Variants in PBX1 observed in about 807,000 individuals in gnomAD.
The protein encoded by PBX1 is pre-B-cell leukemia transcription factor 1.
PBX1 carries 6 observed loss-of-function variants against 53.4 expected under a neutral mutation model. The observed-to-expected ratio is 0.11, with a 90% confidence interval of 0.06 to 0.22. The LOEUF (loss-of-function observed/expected upper bound fraction) is 0.22. Among genes scored for constraint, PBX1 ranks in the 10% least tolerant of loss-of-function variants. The pLI is 1.00. For synonymous variants in PBX1, 204 were observed against 212.3 expected (o/e 0.96, Z 0.34); for missense variants, 251 against 551.4 (o/e 0.46, Z 5.46).
At position 164,613,558 on chromosome 1, in the gene PBX1, C is replaced by T. The variant is rs116226156; in HGVS notation, c.265+50247C>T. Reference sequence around the variant, plus strand: ...CTAGCATTGTGTGTCTGTCTGTGAGCCAGCCTTGGCACACAGTGTTGCGGT... The same window carrying T: ...CTAGCATTGTGTGTCTGTCTGTGAGTCAGCCTTGGCACACAGTGTTGCGGT... On this transcript the variant is annotated intron_variant, in intron 2 of 8. Transcript: ENST00000420696. Among the ~76,000 whole-genome samples, 568 of 152,288 alleles carry T rather than the reference C, an allele frequency of 3.7e-3. 4 individuals carry two copies. Among genetic ancestry groups the T allele is most frequent in the African/African-American group, 0.013 (545 of 41,546 alleles).
intron 2 of PBX1, among the ~76,000 whole-genome samples, chr1:164,870,268 T>TCC (rs1258412775): frequency 4.5e-5 from 1 of 22,322 alleles, no homozygotes; most frequent in African/African-American, 1.1e-4. Context: ...CTTCCTTCCT[T>TCC]CTTTCTTTCT....
intron 8 of PBX1, among the ~76,000 whole-genome samples, chr1:164,841,999 G>C (rs1207535738): frequency 2.0e-5 from 3 of 152,202 alleles, no homozygotes; most frequent in African/African-American, 7.2e-5. Flanking sequence ...GAGTTTCTTA[G>C]TGCCAGGCTT....
chr1:164,579,457 T>C (rs981077235), intron 2 of PBX1, among the ~76,000 whole-genome samples: 1 of 152,164 alleles, frequency 6.6e-6, no homozygotes, highest in Non-Finnish European at 1.5e-5. Context: ...TTCCGTGTGA[T>C]GTCTTTCTCA....
chr1:164,568,410 A>C (rs1653587153), intron 2 of PBX1, among the ~76,000 whole-genome samples: 1 of 152,160 alleles, frequency 6.6e-6, no homozygotes. Flanking sequence ...GCTCTTATTC[A>C]TTCTCTTATG....
intron 2 of PBX1, among the ~76,000 whole-genome samples, chr1:164,757,678 A>AT (rs989711487): frequency 3.3e-5 from 5 of 151,828 alleles, no homozygotes; most frequent in Admixed American, 3.3e-4. Context: ...TCTAAAATAC[A>AT]TTTTTTTCAA....
rs1671686561 is a variant in PBX1, at chr1:164,848,698, C to G, written c.*2022C>G. On this transcript the variant is annotated 3_prime_UTR_variant, in exon 9 of 9. Transcript: ENST00000420696. ...CTTGAACCCAATATGTTGCCTTGTA[C>G]ATACTTGGTCCCTGTCACATTGACT... The G allele has an allele frequency of 9.5e-7, 1 of 1,056,016 alleles. No individual in the cohort carries two copies. The highest frequency in any genetic ancestry group is 4.6e-5 in the South Asian group (1 of 21,896). 65.4% of individuals were successfully genotyped at this position (1,056,016 alleles called of 1,614,324 possible). A position where few individuals can be genotyped will look rare whatever the true frequency, so the allele number is the denominator to read the frequency against.
At chr1:164,665,407 C>G (rs765710865) in intron 2 of PBX1, among the ~76,000 whole-genome samples, 35 of 152,126 alleles carry the variant, frequency 2.3e-4, no homozygotes, top group Non-Finnish European at 4.7e-4. Context: ...ACCTCAGACC[C>G]CAGAGTAGCT....
chr1:164,590,565 G>A, intron 2 of PBX1: 1 of 437,632 alleles, frequency 2.3e-6, no homozygotes, highest in Non-Finnish European at 4.6e-6. Context: ...TTGGCATTGT[G>A]ACCAGGAGAT....
At chr1:164,674,553 A>G (rs1215184996) in intron 2 of PBX1, 3 of 152,186 alleles carry the variant, frequency 2.0e-5, no homozygotes, top group African/African-American at 7.2e-5. Flanking sequence ...AGAAAACTAT[A>G]AATGGGCATG....
intron 2 of PBX1, among the ~76,000 whole-genome samples, chr1:164,647,770 C>T (rs1375849190): frequency 2.0e-5 from 3 of 151,330 alleles, no homozygotes; most frequent in Admixed American, 6.6e-5. Context: ...ATCAGAACAT[C>T]TGGGGGCTGG....
At chr1:164,872,011 G>A (rs779327715) in intron 2 of PBX1, among the ~76,000 whole-genome samples, 2 of 152,090 alleles carry the variant, frequency 1.3e-5, no homozygotes, top group Non-Finnish European at 2.9e-5. Context: ...AATAATACTC[G>A]AGCTCAGTTC....
intron 2 of PBX1, among the ~76,000 whole-genome samples, chr1:164,662,669 C>G (rs1378084259): frequency 6.6e-6 from 1 of 152,126 alleles, no homozygotes; most frequent in Non-Finnish European, 1.5e-5. Flanking sequence ...AGGCCTCTTG[C>G]ACAGCCTGGT....
At chr1:164,610,982 C>G (rs1171176882) in intron 2 of PBX1, among the ~76,000 whole-genome samples, 1 of 152,160 alleles carries the variant, frequency 6.6e-6, no homozygotes, top group Non-Finnish European at 1.5e-5. Context: ...TCCTTTTACC[C>G]ATTAAAATGT....
At chr1:164,706,052 G>A (rs956617743) in intron 2 of PBX1, among the ~76,000 whole-genome samples, 10 of 152,116 alleles carry the variant, frequency 6.6e-5, no homozygotes, top group African/African-American at 2.4e-4. Context: ...TTCTATGGTT[G>A]ATATAAAAAA....
At position 164,835,239 on chromosome 1, in the gene PBX1, GTTTTTTT is replaced by G. The variant is rs71670294; in HGVS notation, c.1201-11333_1201-11327del. Reference sequence around the variant, plus strand: ...AACATTTAAGCTACTTTTGATTTTGGTTTTTTTTTTTTTTTTTTACTATTATTAATAA... The same window carrying G: ...AACATTTAAGCTACTTTTGATTTTGGTTTTTTTTTTTACTATTATTAATAA... On this transcript the variant is annotated intron_variant, in intron 8 of 8. Coordinates refer to ENST00000420696, the MANE Select transcript of PBX1 (RefSeq NM_002585.4). 3.2e-3 allele frequency among the ~76,000 whole-genome samples: 431 copies of G among 136,136 alleles called. 4 individuals carry two copies. Among genetic ancestry groups the G allele is most frequent in the African/African-American group, 0.011 (387 of 36,656 alleles). 89.3% of individuals were successfully genotyped at this position (136,136 alleles called of 152,430 possible). A position where few individuals can be genotyped will look rare whatever the true frequency, so the allele number is the denominator to read the frequency against.
chr1:164,688,951 C>T (rs1037254943), intron 2 of PBX1, among the ~76,000 whole-genome samples: 3 of 152,258 alleles, frequency 2.0e-5, no homozygotes, highest in African/African-American at 7.2e-5. Context: ...TCCCTGCTCT[C>T]TCAGCCAAAG....
At chr1:164,577,706 ATG>A (rs1041665407) in intron 2 of PBX1, among the ~76,000 whole-genome samples, 2 of 152,194 alleles carry the variant, frequency 1.3e-5, no homozygotes, top group African/African-American at 4.8e-5. Flanking sequence ...TATTGAATGA[ATG>A]TGGGAGAGCT....
intron 2 of PBX1, among the ~76,000 whole-genome samples, chr1:164,649,438 A>G (rs1659656698): frequency 1.3e-5 from 2 of 152,174 alleles, no homozygotes; most frequent in Admixed American, 6.5e-5. Flanking sequence ...CCTTAAACCC[A>G]GGACCTGTTT....
At chr1:164,672,348 C>T (rs1306954304) in intron 2 of PBX1, among the ~76,000 whole-genome samples, 3 of 152,190 alleles carry the variant, frequency 2.0e-5, no homozygotes, top group Non-Finnish European at 4.4e-5. Flanking sequence ...TGCTCTGCCT[C>T]TGTCTCTGAA....
Sources: gnomAD v4.1 joint callset for allele counts (sites outside exome capture counted in the v4.1 genomes callset) on GRCh38, gnomAD v4.1.1 for gene constraint, MANE v1.5 for transcripts, NCBI Gene and HGNC (gene_info 2026-07-23, HGNC 2026-07-21) for gene names.